Variants in KIAA1549 observed in about 807,000 individuals in gnomAD.
The protein encoded by KIAA1549 is KIAA1549.
In KIAA1549, 70 loss-of-function variants were observed where a neutral mutation model predicts 156.4. That is an observed-to-expected ratio of 0.45 (90% CI 0.37 to 0.55). The LOEUF is 0.55. KIAA1549 is among the 20% of genes least tolerant of loss of function. The probability of loss-of-function intolerance (pLI) is 0.00; values close to 1 mark genes in which losing one functional copy is unlikely to be tolerated. For missense variants in KIAA1549, 2,428 were observed against 2,540.9 expected, an observed-to-expected ratio of 0.96 and a Z score of 0.96; for synonymous variants, 1,103 against 1,066.4, an observed-to-expected ratio of 1.03 and a Z score of -0.67.
chr7:138,926,003 G>GA (rs1186588481), intron 1 of KIAA1549, among the ~76,000 whole-genome samples: 1 of 152,292 alleles, frequency 6.6e-6, no homozygotes, highest in Non-Finnish European at 1.5e-5. Flanking sequence ...CAGACGCTGG[G>GA]AAAATACCTC....
At chr7:138,920,039 C>T (rs1387349482) in intron 1 of KIAA1549, among the ~76,000 whole-genome samples, 3 of 152,058 alleles carry the variant, frequency 2.0e-5, no homozygotes, top group African/African-American at 7.3e-5. Flanking sequence ...CTTCCTGCAG[C>T]CTCAGCTTTC....
Position 138,869,657 on chromosome 7 carries a change from G to C in KIAA1549, c.4656C>G (p.Asp1552Glu). 1 of 1,612,152 alleles carries C rather than the reference G, an allele frequency of 6.2e-7. No individual in the cohort carries two copies. The highest frequency in any genetic ancestry group is 8.5e-7 in the Non-Finnish European group (1 of 1,179,780). Residue 1552 changes from aspartate to glutamate, a missense_variant, in exon 14 of 20, where the codon GAC (aspartate) becomes GAG (glutamate). Physicochemically the swap from Asp to Glu is conservative, Grantham distance 45. Coordinates refer to ENST00000422774, the MANE Select transcript of KIAA1549 (RefSeq NM_001164665.2). ...GCTCCTTAGTGTCGCCCGAGGACAG[G>C]TCGTCTACCACCGGGAACTCGTAGT... ...RGHYEFPVVD[D>E]LSSGDTKERH...
At chr7:138,921,354 A>G (rs1004294124) in intron 1 of KIAA1549, among the ~76,000 whole-genome samples, 16 of 152,176 alleles carry the variant, frequency 1.1e-4, no homozygotes, top group African/African-American at 3.6e-4. Context: ...ATATGCACAT[A>G]AACCCACGTC....
At chr7:138,883,567 T>C (rs560271178) in intron 10 of KIAA1549, among the ~76,000 whole-genome samples, 5 of 152,236 alleles carry the variant, frequency 3.3e-5, no homozygotes, top group East Asian at 1.9e-4. Context: ...TCCACCCACC[T>C]TGGCCGCCCA....
In KIAA1549 at chr7:138,837,904, G is replaced by A. The variant is rs189632074; in HGVS notation, c.*2C>T. On this transcript the variant is annotated 3_prime_UTR_variant, in exon 20 of 20. Transcript: ENST00000422774. Reference sequence around the variant, plus strand: ...CTTGGCAAATCTGCGAGGCGAGGCCGATCAGCTGTGGAAGTTCTGCACGGT... The same window carrying A: ...CTTGGCAAATCTGCGAGGCGAGGCCAATCAGCTGTGGAAGTTCTGCACGGT... The A allele has an allele frequency of 8.3e-5, 134 of 1,612,984 alleles. No individual in the cohort carries two copies. In the Admixed American group the frequency reaches 1.6e-3, roughly 19 times the overall value.
rs536430013 is a variant in KIAA1549, at chr7:138,917,079, C to G, written c.2547G>C (p.Ser849=). ...GGAAGGGGGTTGCTTCAGAAACAAA[C>G]GAGGATCCTGATGGCAGGTACGCGT... ...ITDAYLPSGS[S]FVSEATPFPL... Residue 849 remains serine (S), a synonymous_variant, in exon 2 of 20, where the codon TCG becomes TCC. Transcript: ENST00000422774. 1.2e-6 allele frequency: 2 copies of G among 1,608,392 alleles called. No homozygotes were observed. The highest frequency in any genetic ancestry group is 1.7e-6 in the Non-Finnish European group (2 of 1,177,606).
chr7:138,934,142 G>T (rs542923165), intron 1 of KIAA1549, among the ~76,000 whole-genome samples: 6 of 152,152 alleles, frequency 3.9e-5, no homozygotes, highest in Non-Finnish European at 1.5e-5. Context: ...CGAGAGCACT[G>T]CTGATGGAGT....
chr7:138,976,490 G>C (rs572692710), intron 1 of KIAA1549, among the ~76,000 whole-genome samples: 3 of 152,308 alleles, frequency 2.0e-5, no homozygotes, highest in African/African-American at 7.2e-5. Context: ...AAGATATTTT[G>C]AGATATTCTG....
chr7:138,941,733 A>G (rs1285148305), intron 1 of KIAA1549, among the ~76,000 whole-genome samples: 2 of 152,230 alleles, frequency 1.3e-5, no homozygotes, highest in African/African-American at 4.8e-5. Context: ...CCCCTGGGTT[A>G]GAGCACTTCC....
In KIAA1549 at chr7:138,840,262, G is replaced by A. The variant is rs565452410; in HGVS notation, c.5469C>T (p.His1823=). ...VGGTTGSQIQ[H]LTQVGIASRI... ...TGCTGGCAATCCCCACCTGTGTCAG[G>A]TGCTGGATCTGGGAGCCTGGAAGGA... The change falls in exon 19 of 20, where the codon CAC becomes CAT. Residue 1823 remains histidine (H), a synonymous_variant. Coordinates refer to ENST00000422774, the MANE Select transcript of KIAA1549 (RefSeq NM_001164665.2). 761 of 1,599,290 alleles carry A rather than the reference G, an allele frequency of 4.8e-4. 1 individual carries two copies. The highest frequency in any genetic ancestry group is 1.2e-3 in the Admixed American group (68 of 57,712).
intron 12 of KIAA1549, among the ~76,000 whole-genome samples, chr7:138,878,593 T>C (rs1195048545): frequency 6.6e-6 from 1 of 152,066 alleles, no homozygotes; most frequent in Non-Finnish European, 1.5e-5. Flanking sequence ...AAACCTTGTC[T>C]CTACAAGAAT....
At chr7:138,891,044 C>G (rs1158983398) in intron 10 of KIAA1549, among the ~76,000 whole-genome samples, 1 of 152,194 alleles carries the variant, frequency 6.6e-6, no homozygotes, top group African/African-American at 2.4e-5. Flanking sequence ...GTAGAAGTAC[C>G]CCACCACTGC....
chr7:138,855,446 T>C (rs1163993842), intron 16 of KIAA1549, among the ~76,000 whole-genome samples: 1 of 152,180 alleles, frequency 6.6e-6, no homozygotes, highest in East Asian at 1.9e-4. Flanking sequence ...TAAGAAGGTG[T>C]TGGTGAGAGA....
chr7:138,934,181 C>T (rs576295231), intron 1 of KIAA1549, among the ~76,000 whole-genome samples: 1 of 151,800 alleles, frequency 6.6e-6, no homozygotes, highest in African/African-American at 2.4e-5. Context: ...ACACCGAAGA[C>T]GAAAGGACCA....
At chr7:138,867,560 A>G (rs1475086306) in intron 15 of KIAA1549, among the ~76,000 whole-genome samples, 1 of 122,736 alleles carries the variant, frequency 8.1e-6, no homozygotes, top group Non-Finnish European at 1.6e-5. Context: ...GTCCCAAAAA[A>G]AAAAAATAAT....
intron 13 of KIAA1549, 60 bp downstream of exon 13, chr7:138,871,097 A>G: frequency 1.3e-6 from 2 of 1,516,244 alleles, no homozygotes; most frequent in South Asian, 1.2e-5. Context: ...GATTACAGGC[A>G]TAAGCCACCG....
rs991640260 is a variant in KIAA1549 at position 138,921,859 on chromosome 7, C to T, written c.188-2421G>A. ...CAGCCTGGGAGACAAAGTGAGACTCCGTCTCAAAAAAAAATAAAAATAAAA... is the reference window on the plus strand; with the variant it reads ...CAGCCTGGGAGACAAAGTGAGACTCTGTCTCAAAAAAAAATAAAAATAAAA... On this transcript the variant is annotated intron_variant, in intron 1 of 19. Transcript: ENST00000422774. 5.3e-5 allele frequency among the ~76,000 whole-genome samples: 8 copies of T among 151,234 alleles called. No homozygotes were observed. The South Asian group carries it at 8.4e-4, about 16-fold the overall frequency.
At position 138,844,361 on chromosome 7, in the gene KIAA1549, T is replaced by G. The variant is rs2130333942; in HGVS notation, c.5408A>C (p.Glu1803Ala). ...CCGAGGCCGGGCCACCGACGGCATC[T>G]CCTCCGAGTAGATCCCTCTGGCAGC... ...PFAARGIYSE[E>A]MPSVARPRPV... Residue 1803 changes from glutamate (E) to alanine (A), a missense_variant, in exon 18 of 20, where the codon GAG (glutamate) becomes GCG (alanine). Glu to Ala is a moderately radical substitution (Grantham distance 107). Coordinates refer to ENST00000422774, the MANE Select transcript of KIAA1549 (RefSeq NM_001164665.2). The G allele has an allele frequency of 1.2e-6, 2 of 1,613,702 alleles. No individual in the cohort carries two copies. The highest frequency in any genetic ancestry group is 2.2e-5 in the South Asian group (2 of 91,026).
chr7:138,958,114 A>T (rs900776795), intron 1 of KIAA1549, among the ~76,000 whole-genome samples: 3 of 152,222 alleles, frequency 2.0e-5, no homozygotes, highest in Non-Finnish European at 2.9e-5. Flanking sequence ...CTCTGGATAC[A>T]TGCACGTTAA....
Sources: gnomAD v4.1 joint callset for allele counts (sites outside exome capture counted in the v4.1 genomes callset) on GRCh38, gnomAD v4.1.1 for gene constraint, MANE v1.5 for transcripts, NCBI Gene and HGNC (gene_info 2026-07-23, HGNC 2026-07-21) for gene names.